Variants in FAM20C observed in about 807,000 individuals in gnomAD.
The protein encoded by FAM20C is FAM20C golgi associated secretory pathway kinase, also known as extracellular serine/threonine protein kinase FAM20C.
Under a neutral mutation model 51.5 loss-of-function variants are expected in FAM20C, and 40 were observed. That is an observed-to-expected ratio of 0.78 (90% CI 0.60 to 1.01). The LOEUF (loss-of-function observed/expected upper bound fraction) is 1.01, where lower values mean the gene tolerates loss of function less well. FAM20C is among the 50% of genes least tolerant of loss of function. FAM20C has a pLI of 0.00. For missense variants in FAM20C, 861 were observed against 844.7 expected (o/e 1.02, Z -0.24); for synonymous variants, 406 against 380.6 (o/e 1.07, Z -0.78).
intron 3 of FAM20C, among the ~76,000 whole-genome samples, chr7:245,068 G>A (rs1000946957): frequency 2.0e-5 from 3 of 152,244 alleles, no homozygotes; most frequent in Non-Finnish European, 4.4e-5. Flanking sequence ...CCCGCTGTTC[G>A]TGTGGCGATG....
chr7:257,621 A>G (rs570989235), intron 8 of FAM20C, among the ~76,000 whole-genome samples: 92 of 152,296 alleles, frequency 6.0e-4, no homozygotes, highest in Non-Finnish European at 8.8e-4. Flanking sequence ...GGGCACTTCA[A>G]TAGCTAAACT....
chr7:259,456 G>GTC (rs36194827), intron 9 of FAM20C, among the ~76,000 whole-genome samples: 1 of 33,410 alleles, frequency 3.0e-5, no homozygotes, highest in East Asian at 7.9e-4. Context: ...GTCTGTCTCT[G>GTC]TCTCTCTCTC....
chr7:235,255 A>C (rs1181767090), intron 3 of FAM20C, among the ~76,000 whole-genome samples: 1 of 152,064 alleles, frequency 6.6e-6, no homozygotes, highest in Non-Finnish European at 1.5e-5. Context: ...AACTGTTTAC[A>C]CTGAGCATGC....
In FAM20C at chr7:260,220, C is replaced by T. The variant is rs906565014; in HGVS notation, c.*240C>T. 1.3e-5 allele frequency: 6 copies of T among 472,484 alleles called. No homozygotes were observed. Among genetic ancestry groups the T allele is most frequent in the South Asian group, 5.3e-5 (1 of 19,012 alleles). 29.3% of individuals were successfully genotyped at this position (472,484 alleles called of 1,614,324 possible). A position where few individuals can be genotyped will look rare whatever the true frequency, so the allele number is the denominator to read the frequency against. ...GCTCACGGACAGAGGCGGCCGGCGC[C>T]GGAGGCATTCCATCCTTTCTGTAGG... is the stretch of plus-strand genomic sequence containing the variant. On this transcript the variant is annotated 3_prime_UTR_variant, in exon 10 of 10. Transcript: ENST00000313766.
intron 3 of FAM20C, 48 bp downstream of exon 3, chr7:209,024 G>A: frequency 6.5e-7 from 1 of 1,542,308 alleles, no homozygotes; most frequent in South Asian, 1.2e-5. Flanking sequence ...TGGAGCTGCA[G>A]GCGAGCAGGC....
At chr7:228,211 C>T in intron 3 of FAM20C, 1 of 328,630 alleles carries the variant, frequency 3.0e-6, no homozygotes, top group Non-Finnish European at 6.1e-6. Context: ...CGTGGCCAAT[C>T]AGAGAAATTC....
At chr7:223,292 C>G (rs528768116) in intron 3 of FAM20C, among the ~76,000 whole-genome samples, 2 of 152,206 alleles carry the variant, frequency 1.3e-5, no homozygotes, top group Non-Finnish European at 2.9e-5. Context: ...AGATCGTCCG[C>G]TGGGCTGCAG....
intron 9 of FAM20C, 116 bp downstream of exon 9, chr7:258,821 C>T (rs916566660): frequency 2.8e-6 from 3 of 1,059,158 alleles, no homozygotes; most frequent in African/African-American, 3.2e-5. Context: ...GAGAAAAGGC[C>T]CCGAATTCAA....
intron 8 of FAM20C, among the ~76,000 whole-genome samples, chr7:258,124 G>GCC (rs1788691346): frequency 7.2e-6 from 1 of 138,690 alleles, no homozygotes; most frequent in African/African-American, 2.8e-5. Flanking sequence ...TTGGAGATAG[G>GCC]CGGGGTGGAC....
At chr7:206,409 G>C (rs1007881319) in intron 2 of FAM20C, among the ~76,000 whole-genome samples, 2 of 152,142 alleles carry the variant, frequency 1.3e-5, no homozygotes, top group African/African-American at 4.8e-5. Context: ...GACCCCCTGA[G>C]ACCTGCTGGC....
chr7:194,688 G>A (rs936596976), intron 1 of FAM20C, among the ~76,000 whole-genome samples: 5 of 152,280 alleles, frequency 3.3e-5, no homozygotes, highest in Non-Finnish European at 1.5e-5. Flanking sequence ...GGAAATTTGA[G>A]AACCAGAGCA....
chr7:206,725 C>G, intron 2 of FAM20C, among the ~76,000 whole-genome samples: 1 of 147,220 alleles, frequency 6.8e-6, no homozygotes, highest in South Asian at 2.2e-4. Flanking sequence ...GTCATGGTCC[C>G]CTCGGCCCCG....
At chr7:249,736 T>C (rs1055455388) in intron 5 of FAM20C, among the ~76,000 whole-genome samples, 18 of 151,928 alleles carry the variant, frequency 1.2e-4, no homozygotes, top group Non-Finnish European at 2.6e-4. Flanking sequence ...TGAGACCCTG[T>C]CTCAAAAAAA....
chr7:194,987 A>G (rs1785779679), intron 1 of FAM20C, among the ~76,000 whole-genome samples: 1 of 152,146 alleles, frequency 6.6e-6, no homozygotes, highest in African/African-American at 2.4e-5. Flanking sequence ...TGGGCTGGAG[A>G]GAGTGCTGCC....
Position 193,734 on chromosome 7 carries a change from G to C in FAM20C, c.535G>C (p.Glu179Gln). The C allele has an allele frequency of 6.5e-7, 1 of 1,547,824 alleles. No individual in the cohort carries two copies. Among genetic ancestry groups the C allele is most frequent in the Non-Finnish European group, 8.7e-7 (1 of 1,145,634 alleles). Reference sequence around the variant, plus strand: ...CCGGGTGGCGGTTCCGCCGCTCACGGAGGAGGACGTCCTGTTCAATGTGAA... The same window carrying C: ...CCGGGTGGCGGTTCCGCCGCTCACGCAGGAGGACGTCCTGTTCAATGTGAA... ...LYRVAVPPLT[E>Q]EDVLFNVNSD... The change falls in exon 1 of 10, where the codon GAG (glutamate) becomes CAG (glutamine). Residue 179 changes from glutamate to glutamine, a missense_variant. By Grantham distance (29) the Glu-to-Gln change is conservative (BLOSUM62 2). This residue lies in a region of FAM20C where 561 missense variants were observed against 499.8 expected (regional missense o/e 1.12). Coordinates refer to ENST00000313766, the MANE Select transcript of FAM20C (RefSeq NM_020223.4).
chr7:243,944 A>AATAATAATAATTATTATTATT (rs771341264), intron 3 of FAM20C, among the ~76,000 whole-genome samples: 1 of 136,846 alleles, frequency 7.3e-6, no homozygotes, highest in African/African-American at 2.7e-5. Flanking sequence ...TAATAATAAT[A>AATAATAATAATTATTATTATT]ATTATTATTA....
At chr7:230,349 C>T (rs1200250647) in intron 3 of FAM20C, among the ~76,000 whole-genome samples, 2 of 116,304 alleles carry the variant, frequency 1.7e-5, no homozygotes, top group Non-Finnish European at 3.2e-5. Flanking sequence ...CTCAGCCTTG[C>T]ATTTCTTGTC....
At chr7:251,279 A>AGTGGCCGGGCACGGCGGC (rs1554255593) in intron 5 of FAM20C, among the ~76,000 whole-genome samples, 46 of 73,340 alleles carry the variant, frequency 6.3e-4, no homozygotes, top group South Asian at 1.8e-3. Context: ...CACGCCTGCA[A>AGTGGCCGGGCACGGCGGC]TCCCAGTACT....
In FAM20C at chr7:260,544, A is replaced by G. The variant is rs1383875631; in HGVS notation, c.*564A>G. ...CCTGTGCGCTGGTGGACGGATGCCTACGTGGTTTTGGAGGACCCGATGACC... is the reference window on the plus strand; with the variant it reads ...CCTGTGCGCTGGTGGACGGATGCCTGCGTGGTTTTGGAGGACCCGATGACC... On this transcript the variant is annotated 3_prime_UTR_variant, in exon 10 of 10. Coordinates refer to ENST00000313766, the MANE Select transcript of FAM20C (RefSeq NM_020223.4). 6.6e-6 allele frequency: 1 copy of G among 152,274 alleles called. No individual in the cohort carries two copies. The highest frequency in any genetic ancestry group is 1.5e-5 in the Non-Finnish European group (1 of 68,108). 9.4% of individuals were successfully genotyped at this position (152,274 alleles called of 1,614,324 possible).
Sources: gnomAD v4.1 joint callset for allele counts (sites outside exome capture counted in the v4.1 genomes callset) on GRCh38, gnomAD v4.1.1 for gene constraint, gnomAD v4.1.1 regional missense constraint, MANE v1.5 for transcripts, NCBI Gene and HGNC (gene_info 2026-07-23, HGNC 2026-07-21) for gene names.